The following PSD3 variants were observed in gnomAD, a reference collection of about 807,000 sequenced individuals.
PSD3 encodes the protein pleckstrin and Sec7 domain containing 3.
In PSD3, 49 loss-of-function variants were observed where a neutral mutation model predicts 105.5. The observed-to-expected ratio is 0.46, with a 90% CI of 0.37 to 0.59. The LOEUF is 0.59. Among genes scored for constraint, PSD3 ranks in the 20% least tolerant of loss-of-function variants. PSD3 has a pLI of 0.00. For synonymous variants in PSD3, 557 were observed against 457.8 expected (o/e 1.22, Z -2.77); for missense variants, 1,561 against 1,263.8 (o/e 1.24, Z -3.57).
chr8:18,808,084 A>T (rs767747949), intron 4 of PSD3, among the ~76,000 whole-genome samples: 1 of 152,238 alleles, frequency 6.6e-6, no homozygotes, highest in Non-Finnish European at 1.5e-5. Context: ...TAGGCAATTC[A>T]TGGTTACTTT....
intron 9 of PSD3, among the ~76,000 whole-genome samples, chr8:18,707,624 T>C (rs1372415843): frequency 6.6e-6 from 1 of 152,182 alleles, no homozygotes; most frequent in Non-Finnish European, 1.5e-5. Flanking sequence ...GCAAAGCTCA[T>C]ATGACTGATA....
intron 1 of PSD3, among the ~76,000 whole-genome samples, chr8:18,949,244 A>AAAAAAAAAAAAAAAT (rs1345423514): frequency 6.9e-5 from 1 of 14,408 alleles, no homozygotes; most frequent in Non-Finnish European, 1.8e-4. Flanking sequence ...AAAAAAAAAA[A>AAAAAAAAAAAAAAAT]ATATATATAT....
intron 15 of PSD3, among the ~76,000 whole-genome samples, chr8:18,544,171 C>CAAAAAAAAAAAAAAAA (rs201016537): frequency 5.6e-5 from 6 of 106,690 alleles, no homozygotes; most frequent in South Asian, 3.7e-4. Flanking sequence ...AGAAACAAAC[C>CAAAAAAAAAAAAAAAA]AAAAAAAAAA....
chr8:19,065,140 A>T (rs1412497676), intron 1 of PSD3, among the ~76,000 whole-genome samples: 2 of 152,210 alleles, frequency 1.3e-5, no homozygotes, highest in Non-Finnish European at 2.9e-5. Flanking sequence ...TGTAATGACC[A>T]GTCTGCTTTT....
At chr8:18,844,118 C>T (rs1814880918) in intron 4 of PSD3, among the ~76,000 whole-genome samples, 1 of 152,074 alleles carries the variant, frequency 6.6e-6, no homozygotes, top group African/African-American at 2.4e-5. Flanking sequence ...TATGGGAAGA[C>T]TCCCATCAAT....
intron 2 of PSD3, among the ~76,000 whole-genome samples, chr8:18,917,707 T>C (rs7017598): frequency 0.054 from 8,203 of 151,944 alleles, 243 homozygotes; most frequent in Admixed American, 0.084. Flanking sequence ...CCCCCAACCC[T>C]GCCCCTTGCA....
chr8:18,618,353 C>T (rs1264662037), intron 11 of PSD3, among the ~76,000 whole-genome samples: 4 of 151,340 alleles, frequency 2.6e-5, no homozygotes, highest in Non-Finnish European at 3.0e-5. Context: ...CCACCTTGGG[C>T]ACATGTTCTC....
At chr8:18,814,886 C>T (rs1812074900) in intron 4 of PSD3, among the ~76,000 whole-genome samples, 1 of 152,160 alleles carries the variant, frequency 6.6e-6, no homozygotes. Flanking sequence ...CACTGGACAT[C>T]AGAAGCTGGG....
At chr8:19,048,676 C>T (rs1828412515) in intron 1 of PSD3, among the ~76,000 whole-genome samples, 1 of 152,172 alleles carries the variant, frequency 6.6e-6, no homozygotes, top group Non-Finnish European at 1.5e-5. Flanking sequence ...CAGTAATCAG[C>T]CTCATTCACA....
chr8:18,999,751 GT>G (rs1396880896), intron 1 of PSD3, among the ~76,000 whole-genome samples: 1 of 151,464 alleles, frequency 6.6e-6, no homozygotes, highest in Non-Finnish European at 1.5e-5. Context: ...CACCACCCAA[GT>G]TTTTTAAAAA....
chr8:18,543,335 C>A (rs1800254381), intron 15 of PSD3, among the ~76,000 whole-genome samples: 1 of 152,088 alleles, frequency 6.6e-6, no homozygotes, highest in South Asian at 2.1e-4. Flanking sequence ...CCAAATATGG[C>A]CAGGCGCGGT....
intron 8 of PSD3, among the ~76,000 whole-genome samples, chr8:18,777,424 T>C (rs1808206860): frequency 6.6e-6 from 1 of 152,232 alleles, no homozygotes; most frequent in African/African-American, 2.4e-5. Flanking sequence ...CTTCACTTTT[T>C]ATGCTCTGAC....
intron 1 of PSD3, among the ~76,000 whole-genome samples, chr8:18,949,414 A>G (rs1823102078): frequency 6.6e-6 from 1 of 150,964 alleles, no homozygotes; most frequent in Non-Finnish European, 1.5e-5. Context: ...CTAGGCAAAT[A>G]TAAACATTCT....
chr8:18,683,630 A>G (rs760003596), intron 9 of PSD3: 5 of 588,964 alleles, frequency 8.5e-6, no homozygotes, highest in Non-Finnish European at 1.5e-5. Flanking sequence ...GTTTCACCTG[A>G]TCGCACCTGA....
intron 1 of PSD3, among the ~76,000 whole-genome samples, chr8:19,049,065 G>A (rs334201): frequency 0.97 from 147,252 of 152,228 alleles, 71,360 homozygotes; most frequent in Non-Finnish European, 1. Context: ...ACCTCATTTT[G>A]CCTTAATTAC....
chr8:18,941,543 C>A (rs1822537457), intron 1 of PSD3, among the ~76,000 whole-genome samples: 1 of 152,106 alleles, frequency 6.6e-6, no homozygotes, highest in Non-Finnish European at 1.5e-5. Context: ...AAAATCTCAA[C>A]CTTACATTTG....
chr8:19,072,125 G>A (rs1829288366), intron 1 of PSD3, among the ~76,000 whole-genome samples: 2 of 126,454 alleles, frequency 1.6e-5, no homozygotes, highest in Admixed American at 8.5e-5. Flanking sequence ...TTTTTGTGAC[G>A]GAGTCTCCCT....
At chr8:18,809,354 C>G (rs887919146) in intron 4 of PSD3, among the ~76,000 whole-genome samples, 15 of 152,166 alleles carry the variant, frequency 9.9e-5, no homozygotes, top group African/African-American at 3.6e-4. Flanking sequence ...TATTTCTGAC[C>G]TCCAAGTAAA....
chr8:18,535,633 A>G lies in PSD3; in HGVS notation c.*110T>C. 1.1e-6 allele frequency: 1 copy of G among 870,620 alleles called. No homozygotes were observed. Among genetic ancestry groups the G allele is most frequent in the Admixed American group, 2.5e-5 (1 of 39,762 alleles). The allele number at this position is 870,620 out of a possible 1,614,324, so 53.9% of individuals were successfully genotyped here. On this transcript the variant is annotated 3_prime_UTR_variant, in exon 16 of 16. Coordinates refer to ENST00000327040, the MANE Select transcript of PSD3 (RefSeq NM_015310.4). ...ATACAATAGAAAAAATTACTAATGC[A>G]CCGTTTTGTCACAGACTTTTTTTTT...
Sources: gnomAD v4.1 joint callset for allele counts (sites outside exome capture counted in the v4.1 genomes callset) on GRCh38, gnomAD v4.1.1 for gene constraint, MANE v1.5 for transcripts, NCBI Gene and HGNC (gene_info 2026-07-23, HGNC 2026-07-21) for gene names.